TCF4: variants seen among roughly 807,000 people sequenced by gnomAD.
TCF4 encodes SL3-3 enhancer factor 2.
TCF4 carries 3 observed loss-of-function variants against 82.1 expected under a neutral mutation model. The ratio of observed to expected loss-of-function variants is 0.04; its 90% CI spans 0.02 to 0.09. The LOEUF (loss-of-function observed/expected upper bound fraction) is 0.09. TCF4 is among the 10% of genes least tolerant of loss of function. TCF4 has a pLI of 1.00. For synonymous variants in TCF4, 276 were observed against 309.6 expected, an observed-to-expected ratio of 0.89 and a Z score of 1.14; for missense variants, 518 against 852.7, an observed-to-expected ratio of 0.61 and a Z score of 4.89.
At chr18:55,301,211 C>T (rs1462059998) in intron 8 of TCF4, among the ~76,000 whole-genome samples, 2 of 152,012 alleles carry the variant, frequency 1.3e-5, no homozygotes, top group African/African-American at 2.4e-5. Flanking sequence ...GTTCTCACAG[C>T]AGAAAAAAAA....
chr18:55,576,406 G>A (rs992488378), intron 3 of TCF4, among the ~76,000 whole-genome samples: 31 of 152,116 alleles, frequency 2.0e-4, no homozygotes, highest in Non-Finnish European at 4.0e-4. Flanking sequence ...TAACACCCCC[G>A]AGTGAAACGC....
intron 8 of TCF4, among the ~76,000 whole-genome samples, chr18:55,334,393 G>A (rs1176909276): frequency 6.6e-6 from 1 of 151,818 alleles, no homozygotes; most frequent in Non-Finnish European, 1.5e-5. Flanking sequence ...TAAATTATAG[G>A]AGAAAAAATT....
intron 3 of TCF4, among the ~76,000 whole-genome samples, chr18:55,518,223 T>G (rs1262390270): frequency 1.3e-5 from 2 of 152,160 alleles, no homozygotes; most frequent in Non-Finnish European, 2.9e-5. Context: ...TTGCTGTCTG[T>G]TATATAAAAT....
At chr18:55,463,971 TGTGTGTGAGAGAGA>T (rs755616327) in intron 4 of TCF4, 91 bp downstream of exon 4, 25 of 778,388 alleles carry the variant, frequency 3.2e-5, no homozygotes, top group South Asian at 5.8e-5. Flanking sequence ...TGTGTGTGTG[TGTGTGTGAGAGAGA>T]GAGAGAGAGA....
intron 6 of TCF4, among the ~76,000 whole-genome samples, chr18:55,362,345 G>C (rs1370646908): frequency 1.4e-5 from 1 of 69,126 alleles, no homozygotes; most frequent in Non-Finnish European, 2.7e-5. Flanking sequence ...AAAAGAGGAA[G>C]GAAGGAAGGA....
intron 2 of TCF4, among the ~76,000 whole-genome samples, chr18:55,604,751 C>G (rs975527887): frequency 9.2e-5 from 14 of 152,070 alleles, no homozygotes; most frequent in African/African-American, 3.1e-4. Context: ...CCTGGGAGAG[C>G]AGAGTGGAGT....
At chr18:55,585,532 G>A in intron 2 of TCF4, 180 bp from the exon 3 acceptor site, 1 of 674,036 alleles carries the variant, frequency 1.5e-6, no homozygotes, top group South Asian at 1.9e-5. Context: ...TCCCACCCCA[G>A]CCCCCATTAT....
chr18:55,362,434 G>GAAGGAAGGAAGGAAGGAAGGAAGGAAGGA (rs1414185890), intron 6 of TCF4, among the ~76,000 whole-genome samples: 3 of 118,108 alleles, frequency 2.5e-5, no homozygotes, highest in African/African-American at 1.0e-4. Flanking sequence ...AGGAAGGAAG[G>GAAGGAAGGAAGGAAGGAAGGAAGGAAGGA]AAAAAAAAAA....
At chr18:55,547,089 T>C (rs1469465271) in intron 3 of TCF4, among the ~76,000 whole-genome samples, 1 of 152,218 alleles carries the variant, frequency 6.6e-6, no homozygotes, top group Admixed American at 6.5e-5. Context: ...TCACCAGTAC[T>C]TTAAAACAGA....
chr18:55,273,319 C>G (rs1427159981), intron 10 of TCF4, among the ~76,000 whole-genome samples: 1 of 152,098 alleles, frequency 6.6e-6, no homozygotes. Flanking sequence ...CAGATAATAT[C>G]AACTTGGCCA....
chr18:55,509,334 G>GACAC (rs35790117), intron 3 of TCF4, among the ~76,000 whole-genome samples: 42 of 150,100 alleles, frequency 2.8e-4, no homozygotes, highest in South Asian at 2.1e-4. Flanking sequence ...CACACAGACA[G>GACAC]ACACACACAC....
chr18:55,406,529 C>A (rs1490874093), intron 5 of TCF4, among the ~76,000 whole-genome samples: 1 of 152,088 alleles, frequency 6.6e-6, no homozygotes, highest in African/African-American at 2.4e-5. Context: ...GCTTAAAATT[C>A]ACTTGGAACA....
chr18:55,228,436 G>A (rs1448323464), intron 18 of TCF4, 75 bp from the exon 19 acceptor site: 5 of 1,582,338 alleles, frequency 3.2e-6, no homozygotes, highest in Non-Finnish European at 4.3e-6. Flanking sequence ...CACTCTTCTT[G>A]CGTGTCTGAC....
chr18:55,559,238 A>T (rs887081922), intron 3 of TCF4, among the ~76,000 whole-genome samples: 1 of 151,908 alleles, frequency 6.6e-6, no homozygotes, highest in South Asian at 2.1e-4. Context: ...AATGACCCAT[A>T]ATCACTTTTA....
rs944614819 is a variant in TCF4, at chr18:55,380,268, C to CT, written c.369+23185dup. ...TGGCTAGCTCTCTTCCTTTACTTTT[C>CT]TTTTTTTTTTTAAATTATACTTTAA... is the stretch of plus-strand genomic sequence containing the variant. On this transcript the variant is annotated intron_variant, in intron 6 of 19. Coordinates refer to ENST00000354452, the MANE Select transcript of TCF4 (RefSeq NM_001083962.2). Among the ~76,000 whole-genome samples the CT allele has an allele frequency of 1.2e-3, 180 of 147,258 alleles. 3 individuals are homozygous for CT. The East Asian group carries it at 0.012, about 10-fold the overall frequency.
chr18:55,509,799 TAAA>T (rs1383698180), intron 3 of TCF4, among the ~76,000 whole-genome samples: 1 of 151,846 alleles, frequency 6.6e-6, no homozygotes, highest in African/African-American at 2.4e-5. Flanking sequence ...GAGCCAAAAA[TAAA>T]GGGAAAGGGG....
chr18:55,562,820 G>T (rs2097366804), intron 3 of TCF4, among the ~76,000 whole-genome samples: 1 of 152,160 alleles, frequency 6.6e-6, no homozygotes. Flanking sequence ...AGGCCTAGTT[G>T]TGCTAGTTAC....
intron 5 of TCF4, among the ~76,000 whole-genome samples, chr18:55,408,027 C>T (rs748057465): frequency 8.5e-5 from 13 of 152,064 alleles, no homozygotes; most frequent in African/African-American, 3.1e-4. Flanking sequence ...TAGAGACAGA[C>T]GAGCAACTTA....
intron 3 of TCF4, among the ~76,000 whole-genome samples, chr18:55,577,973 G>T (rs1448671159): frequency 3.9e-5 from 6 of 152,106 alleles, no homozygotes; most frequent in Non-Finnish European, 8.8e-5. Flanking sequence ...AGGTGCTGCT[G>T]TAACCCAGGG....
Sources: allele counts gnomAD v4.1 joint callset (sites outside exome capture counted in the v4.1 genomes callset), GRCh38; gene constraint gnomAD v4.1.1; transcripts MANE v1.5; gene names NCBI Gene and HGNC (gene_info 2026-07-23, HGNC 2026-07-21).